Variants in MCC observed in about 807,000 individuals in gnomAD.
MCC encodes the protein colorectal mutant cancer protein.
A neutral mutation model predicts 116.2 loss-of-function variants in MCC; 90 were observed. The observed-to-expected ratio is 0.77, with a 90% CI of 0.65 to 0.92. The LOEUF is 0.92. MCC is among the 40% of genes least tolerant of loss of function. The pLI is 0.00. For synonymous variants in MCC, 578 were observed against 510.5 expected, an observed-to-expected ratio of 1.13 and a Z score of -1.78; for missense variants, 1,516 against 1,312.2, an observed-to-expected ratio of 1.16 and a Z score of -2.40.
intron 3 of MCC, among the ~76,000 whole-genome samples, chr5:113,218,296 T>C (rs1224126662): frequency 2.6e-5 from 4 of 152,186 alleles, no homozygotes; most frequent in Admixed American, 6.5e-5. Flanking sequence ...TTCACGTCTC[T>C]AACGTCTGCA....
chr5:113,106,635 C>G lies in MCC; in HGVS notation c.1028-2280G>C, dbSNP rs113560556. Among the ~76,000 whole-genome samples the G allele has an allele frequency of 1.2e-3, 177 of 152,280 alleles. 2 individuals are homozygous for G. Among genetic ancestry groups the G allele is most frequent in the African/African-American group, 4.0e-3 (168 of 41,556 alleles). ...CAGGCAGGGGTACAATCCTAGCTCA[C>G]TAAAGCTTTAAACTCTTGGGTTCAA... is the stretch of plus-strand genomic sequence containing the variant. On this transcript the variant is annotated intron_variant, in intron 6 of 18. Transcript: ENST00000408903.
At chr5:113,462,262 G>A (rs548549668) in intron 1 of MCC, among the ~76,000 whole-genome samples, 2 of 152,178 alleles carry the variant, frequency 1.3e-5, no homozygotes, top group Admixed American at 1.3e-4. Flanking sequence ...TTTGTTTCTG[G>A]GCCTTGCCTC....
At chr5:113,030,709 G>C (rs1750895236) in intron 17 of MCC, among the ~76,000 whole-genome samples, 1 of 152,128 alleles carries the variant, frequency 6.6e-6, no homozygotes, top group South Asian at 2.1e-4. Context: ...GCCATGCACT[G>C]GCATGGGAGG....
At chr5:113,141,269 C>T (rs1759166299) in intron 5 of MCC, among the ~76,000 whole-genome samples, 1 of 152,218 alleles carries the variant, frequency 6.6e-6, no homozygotes, top group South Asian at 2.1e-4. Context: ...TTGGCTTGGA[C>T]TGAGATTTAC....
At chr5:113,081,314 A>G (rs1329000579) in intron 11 of MCC, among the ~76,000 whole-genome samples, 2 of 152,224 alleles carry the variant, frequency 1.3e-5, no homozygotes, top group African/African-American at 4.8e-5. Context: ...AAGTCACTCA[A>G]CTTGGGACTT....
chr5:113,255,493 C>T (rs1303730404), intron 3 of MCC, among the ~76,000 whole-genome samples: 1 of 152,178 alleles, frequency 6.6e-6, no homozygotes, highest in African/African-American at 2.4e-5. Flanking sequence ...ATGGGGAACA[C>T]ATTCCTTAAC....
chr5:113,202,505 A>G (rs1762727473), intron 3 of MCC, among the ~76,000 whole-genome samples: 1 of 152,212 alleles, frequency 6.6e-6, no homozygotes. Flanking sequence ...CTACAGGATC[A>G]TCACTGTCAT....
At chr5:113,293,867 T>A (rs867151822) in intron 3 of MCC, among the ~76,000 whole-genome samples, 1 of 152,094 alleles carries the variant, frequency 6.6e-6, no homozygotes, top group African/African-American at 2.4e-5. Flanking sequence ...GCCAAACGCA[T>A]CGCACGTGGG....
chr5:113,106,166 C>T lies in MCC; in HGVS notation c.1028-1811G>A, dbSNP rs55866437. 4.5e-5 allele frequency among the ~76,000 whole-genome samples: 6 copies of T among 134,174 alleles called. No individual in the cohort carries two copies. The East Asian group carries it at 1.3e-3, about 30-fold the overall frequency. The allele number at this position is 134,174 out of a possible 152,430, so 88.0% of individuals were successfully genotyped here. Reference sequence around the variant, plus strand: ...CATTCACTATGCCCCATTCACACTCCTTCCCCTCATTCACTATGCCCCATT... The same window carrying T: ...CATTCACTATGCCCCATTCACACTCTTTCCCCTCATTCACTATGCCCCATT... On this transcript the variant is annotated intron_variant, in intron 6 of 18. Transcript: ENST00000408903.
chr5:113,240,497 G>A (rs1288922792), intron 3 of MCC, among the ~76,000 whole-genome samples: 4 of 152,128 alleles, frequency 2.6e-5, no homozygotes, highest in East Asian at 1.9e-4. Flanking sequence ...GACATAAGTC[G>A]ATGGCATGAT....
In MCC at chr5:113,337,988, G is replaced by A. The variant is rs774501547; in HGVS notation, c.627+2531C>T. 5.3e-5 allele frequency among the ~76,000 whole-genome samples: 8 copies of A among 152,258 alleles called. 1 individual carries two copies. In the South Asian group the frequency reaches 1.2e-3, roughly 24 times the overall value. Reference sequence around the variant, plus strand: ...AACAACCATCATGTATCACTCTCACGTATCTGACAGAAGGACTCTAGAGTT... The same window carrying A: ...AACAACCATCATGTATCACTCTCACATATCTGACAGAAGGACTCTAGAGTT... On this transcript the variant is annotated intron_variant, in intron 3 of 18. Transcript: ENST00000408903.
At chr5:113,484,018 G>A (rs1772449100) in intron 1 of MCC, among the ~76,000 whole-genome samples, 1 of 152,190 alleles carries the variant, frequency 6.6e-6, no homozygotes, top group East Asian at 1.9e-4. Context: ...ACATAGAGGG[G>A]AACAACACGC....
intron 16 of MCC, among the ~76,000 whole-genome samples, chr5:113,046,673 A>C (rs1333786198): frequency 7.2e-6 from 1 of 138,852 alleles, no homozygotes; most frequent in Non-Finnish European, 1.5e-5. Flanking sequence ...GACTGCTAAC[A>C]AACTCAAAAG....
chr5:113,210,155 G>C (rs528515623), intron 3 of MCC, among the ~76,000 whole-genome samples: 1 of 152,316 alleles, frequency 6.6e-6, no homozygotes, highest in East Asian at 1.9e-4. Context: ...TGTGGTGACA[G>C]AGCTGTGGGT....
At chr5:113,279,608 T>C (rs912213148) in intron 3 of MCC, among the ~76,000 whole-genome samples, 3 of 152,232 alleles carry the variant, frequency 2.0e-5, no homozygotes, top group African/African-American at 7.2e-5. Flanking sequence ...AACACAATTA[T>C]AGATAAAATT....
rs1750523581 is a variant in MCC at position 113,026,032 on chromosome 5, G to C, written c.*1270C>G. On this transcript the variant is annotated 3_prime_UTR_variant, in exon 19 of 19. Transcript: ENST00000408903. The stretch of plus-strand genomic sequence containing the variant: ...CCTTCAAGTGTATCAGTGTAGAACT[G>C]AGAGAGAAGAGGTAAAACTGAAAAA... 6.6e-6 allele frequency: 1 copy of C among 152,028 alleles called. No individual in the cohort carries two copies. The highest frequency in any genetic ancestry group is 2.1e-4 in the South Asian group (1 of 4,824). 9.4% of individuals were successfully genotyped at this position (152,028 alleles called of 1,614,324 possible).
chr5:113,049,263 G>A lies in MCC; in HGVS notation c.2485C>T (p.Leu829=). 6.2e-7 allele frequency: 1 copy of A among 1,610,788 alleles called. No homozygotes were observed. The highest frequency in any genetic ancestry group is 8.5e-7 in the Non-Finnish European group (1 of 1,178,452). The change falls in exon 16 of 19, where the codon CTG becomes TTG. Residue 829 remains leucine, a synonymous_variant. Transcript: ENST00000408903. ...MAELKAQLYL[L]EKEKKALELK... is the part of the protein sequence containing the mutation. ...TCCAGGGCCTTCTTCTCTTTCTCCAGTAGGTAGAGCTGGGCCTTCAACTCG... is the reference window on the plus strand; with the variant it reads ...TCCAGGGCCTTCTTCTCTTTCTCCAATAGGTAGAGCTGGGCCTTCAACTCG...
At chr5:113,394,385 C>T (rs1769474685) in intron 1 of MCC, among the ~76,000 whole-genome samples, 1 of 152,142 alleles carries the variant, frequency 6.6e-6, no homozygotes, top group Non-Finnish European at 1.5e-5. Context: ...TTACTCTTTC[C>T]TGCTTAAAAT....
At chr5:113,438,843 T>C (rs957362366) in intron 1 of MCC, among the ~76,000 whole-genome samples, 1 of 152,220 alleles carries the variant, frequency 6.6e-6, no homozygotes, top group Non-Finnish European at 1.5e-5. Flanking sequence ...TCATAATATA[T>C]AAAATATGAA....
Sources: allele counts gnomAD v4.1 joint callset (sites outside exome capture counted in the v4.1 genomes callset), GRCh38; gene constraint gnomAD v4.1.1; transcripts MANE v1.5; gene names NCBI Gene and HGNC (gene_info 2026-07-23, HGNC 2026-07-21).